ZNF83: variants seen among roughly 807,000 people sequenced by gnomAD.
ZNF83 encodes the protein zinc finger protein 83, also known as zinc finger protein 816B.
For synonymous variants in ZNF83, 209 were observed against 213.0 expected, an observed-to-expected ratio of 0.98 and a Z score of 0.17; for missense variants, 552 against 629.9, an observed-to-expected ratio of 0.88 and a Z score of 1.32.
intron 2 of ZNF83, among the ~76,000 whole-genome samples, chr19:52,628,705 T>C (rs2060835351): frequency 6.6e-6 from 1 of 151,972 alleles, no homozygotes; most frequent in Non-Finnish European, 1.5e-5. Flanking sequence ...TCTGTGTCTC[T>C]ACCCCTTCTT....
chr19:52,654,378 C>T (rs2061480400), intron 3 of ZNF83: 5 of 1,188,576 alleles, frequency 4.2e-6, no homozygotes, highest in Non-Finnish European at 5.9e-6. Context: ...TTGATGAGAA[C>T]TCCGTCATGG....
intron 1 of ZNF83, chr19:52,674,381 C>T (rs1019370910): frequency 1.3e-5 from 2 of 152,310 alleles, no homozygotes; most frequent in African/African-American, 2.4e-5. Flanking sequence ...GATGCTAGAA[C>T]GTTCTCACCC....
chr19:52,638,930 C>T (rs371928557), upstream of ZNF83, among the ~76,000 whole-genome samples: 4 of 152,330 alleles, frequency 2.6e-5, no homozygotes, highest in East Asian at 7.7e-4. Flanking sequence ...TTCAGGCCAG[C>T]CTGGGCGACA....
chr19:52,644,743 G>A (rs921415684), intron 3 of ZNF83, among the ~76,000 whole-genome samples: 2 of 152,130 alleles, frequency 1.3e-5, no homozygotes, highest in Admixed American at 6.6e-5. Flanking sequence ...GGCCGGGTGC[G>A]ATGGATCATG....
chr19:52,613,487 G>A (rs2060182482), exon 3 of ZNF83: 1 of 1,614,026 alleles, frequency 6.2e-7, no homozygotes, highest in Non-Finnish European at 8.5e-7. Context: ...TGTTGGGCAA[G>A]GTATGAATTG....
intron 2 of ZNF83, among the ~76,000 whole-genome samples, chr19:52,619,296 C>T (rs907624216): frequency 4.6e-5 from 7 of 152,010 alleles, no homozygotes; most frequent in Non-Finnish European, 7.4e-5. Context: ...ACAAGAAACA[C>T]TCAAATAAAT....
intron 2 of ZNF83, among the ~76,000 whole-genome samples, chr19:52,656,918 C>T (rs1600235690): frequency 6.6e-6 from 1 of 150,798 alleles, no homozygotes; most frequent in Middle Eastern, 3.5e-3. Context: ...CTCTCCTGGA[C>T]ACATTGCAAA....
At chr19:52,614,760 T>C in exon 3 of ZNF83, 2 of 1,292,466 alleles carry the variant, frequency 1.5e-6, no homozygotes, top group Non-Finnish European at 2.0e-6. Context: ...TCTCCTTTTT[T>C]GGTGGTAATT....
exon 3 of ZNF83, chr19:52,613,790 T>G (rs2060202001): frequency 6.2e-7 from 1 of 1,613,666 alleles, no homozygotes; most frequent in African/African-American, 1.3e-5. Flanking sequence ...CTGTAAGGTT[T>G]CTCTCCAGTA....
intron 2 of ZNF83, chr19:52,618,967 C>T (rs376863518): frequency 6.5e-7 from 1 of 1,532,358 alleles, no homozygotes; most frequent in East Asian, 2.2e-5. Flanking sequence ...AATTCTCCAA[C>T]ATCACATCTC....
chr19:52,633,364 G>C (rs1171621894), intron 2 of ZNF83, among the ~76,000 whole-genome samples: 1 of 152,204 alleles, frequency 6.6e-6, no homozygotes, highest in African/African-American at 2.4e-5. Flanking sequence ...CACAAAGCCT[G>C]TTTGGTAGTC....
chr19:52,676,460 G>T (rs1417246326), intron 1 of ZNF83, among the ~76,000 whole-genome samples: 1 of 151,978 alleles, frequency 6.6e-6, no homozygotes, highest in African/African-American at 2.4e-5. Context: ...GATGTGAGGA[G>T]CCTGCCCCGG....
chr19:52,661,464 TCA>T (rs2061579218), intron 1 of ZNF83, among the ~76,000 whole-genome samples: 1 of 152,066 alleles, frequency 6.6e-6, no homozygotes, highest in African/African-American at 2.4e-5. Flanking sequence ...CAGACTGACC[TCA>T]GTTCTCAATA....
chr19:52,657,038 C>G (rs2061514971), intron 2 of ZNF83, among the ~76,000 whole-genome samples: 1 of 151,756 alleles, frequency 6.6e-6, no homozygotes, highest in African/African-American at 2.4e-5. Context: ...ATTGCTTGAG[C>G]CTGGAGAGCA....
chr19:52,678,390 C>T (rs2061852793), intron 1 of ZNF83, among the ~76,000 whole-genome samples: 1 of 138,598 alleles, frequency 7.2e-6, no homozygotes, highest in Non-Finnish European at 1.5e-5. Flanking sequence ...ACAGAGGTTG[C>T]AGTGAGCTGA....
In ZNF83 at chr19:52,613,392, A is replaced by G. The variant is rs776764386; in HGVS notation, c.1173T>C (p.His391=). ...GTTTCTCTCCAGTATGGATTCTGTG[A>G]TGTTGTACAAGATGTGAATTTTGAC... Residue 391 remains histidine (H), a synonymous_variant, in exon 3 of 3, where the codon CAT becomes CAC. Coordinates refer to ENST00000301096, the Ensembl canonical transcript of ZNF83. The G allele has an allele frequency of 6.8e-6, 11 of 1,613,594 alleles. 1 individual carries two copies. The South Asian group carries it at 1.1e-4, about 16-fold the overall frequency.
intron 2 of ZNF83, among the ~76,000 whole-genome samples, chr19:52,630,182 T>C (rs750981480): frequency 6.6e-5 from 10 of 152,186 alleles, no homozygotes; most frequent in Admixed American, 5.2e-4. Context: ...CCAGAGCCCC[T>C]GGAACGCTGG....
chr19:52,675,606 C>T (rs867548704), intron 1 of ZNF83, among the ~76,000 whole-genome samples: 19 of 151,796 alleles, frequency 1.3e-4, no homozygotes, highest in East Asian at 1.9e-4. Context: ...GATGGGCTCA[C>T]GGGGAAATTG....
chr19:52,614,336 C>T lies in ZNF83; in HGVS notation c.229G>A (p.Asp77Asn), dbSNP rs1159433383. 4 of 1,612,742 alleles carry T rather than the reference C, an allele frequency of 2.5e-6. No individual in the cohort carries two copies. In the African/African-American group the frequency reaches 5.3e-5, roughly 22 times the overall value. ...TTCTCTTTTTGTGTGAATAATGAAT[C>T]CACAAAATTACATTCATATGTATGA... Residue 77 changes from aspartate to asparagine, a missense_variant, in exon 3 of 3, where the codon GAT (aspartate) becomes AAT (asparagine). Transcript: ENST00000301096.
Sources: gnomAD v4.1 joint callset for allele counts (sites outside exome capture counted in the v4.1 genomes callset) on GRCh38, gnomAD v4.1.1 for gene constraint, MANE v1.5 for transcripts, NCBI Gene and HGNC (gene_info 2026-07-23, HGNC 2026-07-21) for gene names.